WDR49: variants seen among roughly 807,000 people sequenced by gnomAD.
WDR49 encodes the protein WD repeat domain 49, also known as cilia- and flagella-associated protein 337.
WDR49 carries 107 observed loss-of-function variants against 119.5 expected under a neutral mutation model. The observed-to-expected ratio is 0.90, with a 90% CI of 0.77 to 1.05. The LOEUF (loss-of-function observed/expected upper bound fraction) is 1.05, where lower values mean the gene tolerates loss of function less well. Ranked by LOEUF, WDR49 falls within the 50% of genes least tolerant of loss-of-function variation. WDR49 has a pLI of 0.00. For synonymous variants in WDR49, 425 were observed against 418.8 expected, an observed-to-expected ratio of 1.01 and a Z score of -0.18; for missense variants, 1,240 against 1,220.5, an observed-to-expected ratio of 1.02 and a Z score of -0.24.
chr3:167,656,638 T>C (rs776361250), upstream of WDR49, among the ~76,000 whole-genome samples: 1 of 152,220 alleles, frequency 6.6e-6, no homozygotes, highest in African/African-American at 2.4e-5. Flanking sequence ...AGTTAATCAA[T>C]TGACACAGTT....
chr3:167,643,825 T>C lies in WDR49; in HGVS notation c.165+9436A>G, dbSNP rs542143225. ...TTCTATATTGAGGAAGAGATATTCA[T>C]CTATTTTACTGATAATAGCAAGTTT... On this transcript the variant is annotated intron_variant, in intron 2 of 18. Transcript: ENST00000682715. Among the ~76,000 whole-genome samples the C allele has an allele frequency of 3.9e-5, 6 of 152,172 alleles. No individual in the cohort carries two copies. In the East Asian group the frequency reaches 1.2e-3, roughly 29 times the overall value.
At chr3:167,586,907 C>T (rs956181542) in intron 7 of WDR49, among the ~76,000 whole-genome samples, 44 of 152,070 alleles carry the variant, frequency 2.9e-4, no homozygotes, top group African/African-American at 8.4e-4. Flanking sequence ...CTTGCTTTTA[C>T]GTTATAAAAC....
At chr3:167,542,164 G>T (rs1426019475) in intron 10 of WDR49, among the ~76,000 whole-genome samples, 1 of 152,152 alleles carries the variant, frequency 6.6e-6, no homozygotes, top group Non-Finnish European at 1.5e-5. Context: ...CATAAGAAAT[G>T]AGATAGATGG....
chr3:167,504,337 C>T lies in WDR49; in HGVS notation c.2884+970G>A, dbSNP rs1184388819. ...TCTGTGCAAGACCTTGGCAGCCCAC[C>T]CCTGGTGCCACTGTGCCCTGGATGT... On this transcript the variant is annotated intron_variant, in intron 17 of 18. Transcript: ENST00000682715. Among the ~76,000 whole-genome samples, 4 of 152,258 alleles carry T rather than the reference C, an allele frequency of 2.6e-5. No individual in the cohort carries two copies. The East Asian group carries it at 7.7e-4, about 29-fold the overall frequency.
intron 15 of WDR49, among the ~76,000 whole-genome samples, chr3:167,526,098 TTGTAAAAC>T (rs1367397974): frequency 6.6e-6 from 1 of 152,064 alleles, no homozygotes; most frequent in Admixed American, 6.6e-5. Context: ...AGCCTTCAAT[TTGTAAAAC>T]TGACCCAGCT....
intron 7 of WDR49, among the ~76,000 whole-genome samples, chr3:167,591,468 C>T (rs1311655736): frequency 3.3e-5 from 5 of 152,056 alleles, no homozygotes; most frequent in African/African-American, 1.2e-4. Context: ...GATTTTCTGT[C>T]TGGAAGATCT....
At chr3:167,544,746 A>G (rs2108256681) in intron 10 of WDR49, among the ~76,000 whole-genome samples, 1 of 152,210 alleles carries the variant, frequency 6.6e-6, no homozygotes. Flanking sequence ...ATTCTAGAAG[A>G]ACATGGGAAA....
intron 4 of WDR49, among the ~76,000 whole-genome samples, 199 bp from the exon 5 acceptor site, chr3:167,620,802 T>C (rs1716830929): frequency 6.6e-6 from 1 of 152,220 alleles, no homozygotes; most frequent in Non-Finnish European, 1.5e-5. Context: ...GGCAGTCTTT[T>C]ACTTGTTTTT....
intron 8 of WDR49, among the ~76,000 whole-genome samples, chr3:167,561,690 T>C (rs1478882380): frequency 6.6e-6 from 1 of 152,096 alleles, no homozygotes; most frequent in Non-Finnish European, 1.5e-5. Flanking sequence ...GACATGTATT[T>C]ATTATGAGGT....
chr3:167,553,011 G>A (rs1712664818), intron 10 of WDR49, among the ~76,000 whole-genome samples: 1 of 151,956 alleles, frequency 6.6e-6, no homozygotes, highest in African/African-American at 2.4e-5. Flanking sequence ...TTAAGGAGTT[G>A]GCTTAACGGT....
chr3:167,569,034 C>T (rs543531333), intron 8 of WDR49, among the ~76,000 whole-genome samples: 34 of 152,056 alleles, frequency 2.2e-4, no homozygotes, highest in African/African-American at 8.2e-4. Context: ...CCTCTGGCTC[C>T]CAGGTTCAAG....
chr3:167,495,810 C>T (rs1344762444), intron 18 of WDR49, among the ~76,000 whole-genome samples: 1 of 126,774 alleles, frequency 7.9e-6, no homozygotes, highest in Non-Finnish European at 1.6e-5. Context: ...GAATAAGATG[C>T]ATCAATAACA....
chr3:167,517,703 CT>C (rs1030671135), intron 16 of WDR49, among the ~76,000 whole-genome samples: 30 of 140,846 alleles, frequency 2.1e-4, no homozygotes, highest in East Asian at 6.0e-4. Flanking sequence ...TTAACCTTTA[CT>C]TTTTTTTTCT....
At chr3:167,489,000 C>A (rs943945309) in intron 18 of WDR49, among the ~76,000 whole-genome samples, 2 of 152,106 alleles carry the variant, frequency 1.3e-5, no homozygotes, top group African/African-American at 2.4e-5. Flanking sequence ...GTCAGAGAGA[C>A]CTTCACTGAT....
chr3:167,501,729 A>G (rs1751576967), intron 17 of WDR49, among the ~76,000 whole-genome samples: 1 of 152,212 alleles, frequency 6.6e-6, no homozygotes, highest in African/African-American at 2.4e-5. Flanking sequence ...TAGTATAATA[A>G]TGACTCCTTT....
At chr3:167,655,573 C>A (rs1445996615), upstream of WDR49, among the ~76,000 whole-genome samples, 1 of 152,030 alleles carries the variant, frequency 6.6e-6, no homozygotes, top group Non-Finnish European at 1.5e-5. Context: ...TTTCATCCAT[C>A]TCTCATTATT....
At chr3:167,605,546 C>A (rs760388416) in intron 5 of WDR49, among the ~76,000 whole-genome samples, 1 of 151,960 alleles carries the variant, frequency 6.6e-6, no homozygotes, top group Non-Finnish European at 1.5e-5. Context: ...GGAGAAAAAA[C>A]GTGTAAATCA....
intron 8 of WDR49, among the ~76,000 whole-genome samples, chr3:167,561,599 G>A (rs1166833913): frequency 1.3e-5 from 2 of 152,154 alleles, no homozygotes; most frequent in African/African-American, 4.8e-5. Context: ...TGGAGTGGGG[G>A]ATTGGGTTAG....
At chr3:167,479,159 T>C (rs1269889212) in intron 18 of WDR49, among the ~76,000 whole-genome samples, 163 bp from the exon 19 acceptor site, 1 of 152,214 alleles carries the variant, frequency 6.6e-6, no homozygotes, top group Non-Finnish European at 1.5e-5. Flanking sequence ...TCTGCTATTC[T>C]GTTTACTGCA....
Sources: allele counts gnomAD v4.1 joint callset (sites outside exome capture counted in the v4.1 genomes callset), GRCh38; gene constraint gnomAD v4.1.1; transcripts MANE v1.5; gene names NCBI Gene and HGNC (gene_info 2026-07-23, HGNC 2026-07-21).